DOCK3: variants seen among roughly 807,000 people sequenced by gnomAD.
DOCK3 encodes dedicator of cytokinesis 3.
DOCK3 carries 60 observed loss-of-function variants against 265.6 expected under a neutral mutation model. The ratio of observed to expected loss-of-function variants is 0.23; its 90% CI spans 0.18 to 0.28. The LOEUF (loss-of-function observed/expected upper bound fraction) is 0.28, where lower values mean the gene tolerates loss of function less well. Among genes scored for constraint, DOCK3 ranks in the 10% least tolerant of loss-of-function variants. The pLI, the probability that DOCK3 is intolerant of heterozygous loss-of-function variation, is 1.00. For synonymous variants in DOCK3, 881 were observed against 938.0 expected (o/e 0.94, Z 1.11); for missense variants, 1,981 against 2,594.3 (o/e 0.76, Z 5.14).
At chr3:51,047,405 TA>T (rs1018320765) in intron 5 of DOCK3, among the ~76,000 whole-genome samples, 59 of 149,886 alleles carry the variant, frequency 3.9e-4, no homozygotes, top group Admixed American at 3.9e-3. Context: ...TAAAGTATAA[TA>T]AAAAATATAT....
intron 14 of DOCK3, among the ~76,000 whole-genome samples, chr3:51,220,213 A>G (rs761944280): frequency 6.6e-6 from 1 of 152,162 alleles, no homozygotes; most frequent in Non-Finnish European, 1.5e-5. Flanking sequence ...ACATCCTTCT[A>G]TTCTTCCAAC....
intron 1 of DOCK3, among the ~76,000 whole-genome samples, chr3:50,722,567 T>C (rs1194030778): frequency 6.6e-6 from 1 of 152,060 alleles, no homozygotes; most frequent in African/African-American, 2.4e-5. Flanking sequence ...TGTCATACAG[T>C]AAAAAGCTAT....
At chr3:50,844,094 A>AAAAATAAAG (rs1375234572) in intron 3 of DOCK3, among the ~76,000 whole-genome samples, 2 of 152,232 alleles carry the variant, frequency 1.3e-5, no homozygotes, top group Non-Finnish European at 2.9e-5. Context: ...GGTTAAAGGA[A>AAAAATAAAG]AAAATAAAGA....
intron 12 of DOCK3, among the ~76,000 whole-genome samples, chr3:51,205,147 G>A (rs992437416): frequency 4.0e-5 from 6 of 151,258 alleles, no homozygotes; most frequent in South Asian, 2.1e-4. Context: ...GCACATGTAC[G>A]CTAAAACTTA....
At chr3:51,074,910 G>A (rs1196072400) in intron 6 of DOCK3, among the ~76,000 whole-genome samples, 2 of 152,112 alleles carry the variant, frequency 1.3e-5, no homozygotes, top group South Asian at 2.1e-4. Flanking sequence ...TTTGCATTTA[G>A]TAACTTTTAA....
At chr3:51,256,176 A>T (rs561613530) in intron 22 of DOCK3, among the ~76,000 whole-genome samples, 5 of 152,320 alleles carry the variant, frequency 3.3e-5, no homozygotes, top group Admixed American at 3.3e-4. Context: ...GCGGAGGCTC[A>T]GCTGGAAATG....
At chr3:51,108,793 A>AT (rs1235839983) in intron 9 of DOCK3, among the ~76,000 whole-genome samples, 1 of 152,234 alleles carries the variant, frequency 6.6e-6, no homozygotes, top group Non-Finnish European at 1.5e-5. Context: ...ACAAAAGAGC[A>AT]TTATATAATG....
At chr3:50,717,694 C>T (rs536041402) in intron 1 of DOCK3, among the ~76,000 whole-genome samples, 3 of 152,304 alleles carry the variant, frequency 2.0e-5, no homozygotes, top group South Asian at 2.1e-4. Context: ...GCAATCTCAG[C>T]GCACTGCAAC....
chr3:51,312,771 C>G (rs1560415029), intron 30 of DOCK3, 73 bp from the exon 31 acceptor site: 1 of 1,472,992 alleles, frequency 6.8e-7, no homozygotes, highest in Non-Finnish European at 9.4e-7. Context: ...GAAGTCCTGG[C>G]CTCATGGGTT....
In DOCK3 at chr3:51,072,872, A is replaced by AT. The variant is rs748566865; in HGVS notation, c.465-2466dup. Among the ~76,000 whole-genome samples the AT allele has an allele frequency of 9.6e-3, 1,333 of 138,786 alleles. 9 individuals are homozygous for AT. The highest frequency in any genetic ancestry group is 0.011 in the Non-Finnish European group (725 of 63,088). 91.0% of individuals were successfully genotyped at this position (138,786 alleles called of 152,430 possible). ...GTCACATGCCATCACAACCTGGCTA[A>AT]TTTTTTTTTTTTTTTTTTAGAGATG... is the stretch of plus-strand genomic sequence containing the variant. On this transcript the variant is annotated intron_variant, in intron 6 of 52. Coordinates refer to ENST00000266037, the MANE Select transcript of DOCK3 (RefSeq NM_004947.5).
chr3:51,238,286 G>A (rs950787547), intron 21 of DOCK3, among the ~76,000 whole-genome samples: 2 of 151,432 alleles, frequency 1.3e-5, no homozygotes, highest in African/African-American at 4.9e-5. Flanking sequence ...GGGACTGCAG[G>A]TGCCCACCAC....
chr3:51,047,188 A>G (rs2080808729), intron 5 of DOCK3, among the ~76,000 whole-genome samples: 1 of 147,270 alleles, frequency 6.8e-6, no homozygotes, highest in South Asian at 2.2e-4. Flanking sequence ...GAGAGCAGAG[A>G]CATAGGTGGG....
chr3:51,364,644 T>C (rs2086998569), intron 49 of DOCK3, among the ~76,000 whole-genome samples: 1 of 152,250 alleles, frequency 6.6e-6, no homozygotes, highest in Admixed American at 6.5e-5. Context: ...TTAATCCATC[T>C]TAAATTAATT....
rs7632340 is a variant in DOCK3, at chr3:51,045,963, C to G, written c.316-18485C>G. Reference sequence around the variant, plus strand: ...GTAGCAGCTCTCCTGCTCATGGACCCTGACAGCAGGCCTGCAGCACTGTAG... The same window carrying G: ...GTAGCAGCTCTCCTGCTCATGGACCGTGACAGCAGGCCTGCAGCACTGTAG... On this transcript the variant is annotated intron_variant, in intron 5 of 52. Coordinates refer to ENST00000266037, the MANE Select transcript of DOCK3 (RefSeq NM_004947.5). 4.9e-3 allele frequency among the ~76,000 whole-genome samples: 742 copies of G among 152,190 alleles called. 9 individuals are homozygous for G. The highest frequency in any genetic ancestry group is 0.017 in the African/African-American group (697 of 41,514).
intron 1 of DOCK3, among the ~76,000 whole-genome samples, chr3:50,726,094 A>G (rs2037806483): frequency 1.3e-5 from 2 of 152,196 alleles, no homozygotes; most frequent in South Asian, 4.1e-4. Flanking sequence ...ACTACTTATA[A>G]TACCTAACAC....
At chr3:51,251,348 T>G (rs1024714647) in intron 22 of DOCK3, among the ~76,000 whole-genome samples, 1 of 152,220 alleles carries the variant, frequency 6.6e-6, no homozygotes, top group African/African-American at 2.4e-5. Flanking sequence ...TGTGTCTTTA[T>G]AGCAGCATGA....
At chr3:50,865,379 A>C (rs2047092143) in intron 3 of DOCK3, among the ~76,000 whole-genome samples, 1 of 152,208 alleles carries the variant, frequency 6.6e-6, no homozygotes, top group African/African-American at 2.4e-5. Flanking sequence ...TTTAGATCCC[A>C]GAAATAGGTG....
chr3:50,825,378 A>G (rs965453890), intron 2 of DOCK3, among the ~76,000 whole-genome samples: 4 of 152,208 alleles, frequency 2.6e-5, no homozygotes, highest in African/African-American at 7.2e-5. Flanking sequence ...CCTTGTTTAC[A>G]CAACATATCC....
intron 1 of DOCK3, among the ~76,000 whole-genome samples, chr3:50,683,828 C>T (rs1221892822): frequency 2.2e-4 from 6 of 26,764 alleles, no homozygotes; most frequent in African/African-American, 3.7e-4. Flanking sequence ...CTCCCCTCCC[C>T]GCTCTCCTCC....
Sources: gnomAD v4.1 joint callset for allele counts (sites outside exome capture counted in the v4.1 genomes callset) on GRCh38, gnomAD v4.1.1 for gene constraint, MANE v1.5 for transcripts, NCBI Gene and HGNC (gene_info 2026-07-23, HGNC 2026-07-21) for gene names.